FAM149A: variants seen among roughly 807,000 people sequenced by gnomAD.
The protein encoded by FAM149A is protein FAM149A.
A neutral mutation model predicts 78.2 loss-of-function variants in FAM149A; 71 were observed. The ratio of observed to expected loss-of-function variants is 0.91; its 90% confidence interval spans 0.75 to 1.11. The LOEUF (loss-of-function observed/expected upper bound fraction) is 1.11, where lower values mean the gene tolerates loss of function less well. FAM149A is among the 50% of genes least tolerant of loss of function. The probability of loss-of-function intolerance (pLI) is 0.00; values close to 1 mark genes in which losing one functional copy is unlikely to be tolerated. For synonymous variants in FAM149A, 446 were observed against 410.5 expected (o/e 1.09, Z -1.04); for missense variants, 1,036 against 971.0 (o/e 1.07, Z -0.89).
At chr4:186,161,869 A>C (rs892737083) in intron 8 of FAM149A, among the ~76,000 whole-genome samples, 6 of 152,190 alleles carry the variant, frequency 3.9e-5, no homozygotes, top group Non-Finnish European at 8.8e-5. Context: ...AGTCCCAGAA[A>C]TCCTGTTCTC....
chr4:186,132,071 C>G lies in FAM149A; in HGVS notation c.567-17102C>G, dbSNP rs990348866. 1.7e-5 allele frequency: 17 copies of G among 985,320 alleles called. No homozygotes were observed. The Middle Eastern group carries it at 1.5e-3, about 90-fold the overall frequency. The allele number at this position is 985,320 out of a possible 1,614,324, so 61.0% of individuals were successfully genotyped here. On this transcript the variant is annotated intron_variant, in intron 1 of 13. Coordinates refer to ENST00000389354, the MANE Select transcript of FAM149A (RefSeq NM_001367768.3). ...AACACAAAATAGCTCCATATTAAAG[C>G]TTAGCAACACAGATAACACGTCATT...
At chr4:186,126,118 A>G in intron 1 of FAM149A, 2 of 984,768 alleles carry the variant, frequency 2.0e-6, no homozygotes, top group Non-Finnish European at 2.4e-6. Context: ...ACAAAATGAA[A>G]TCCTTTCATT....
At position 186,125,964 on chromosome 4, in the gene FAM149A, G is replaced by A. The variant is rs1371175435; in HGVS notation, c.566+20322G>A. ...GTAACAGCCTGTTCTCCAGCTGCCC[G>A]GAGGCTGGATGACCTTCACAGGCCC... On this transcript the variant is annotated intron_variant, in intron 1 of 13. Transcript: ENST00000389354. 42 of 985,374 alleles carry A rather than the reference G, an allele frequency of 4.3e-5. No homozygotes were observed. The Admixed American group carries it at 9.8e-4, about 23-fold the overall frequency. 61.0% of individuals were successfully genotyped at this position (985,374 alleles called of 1,614,324 possible).
rs892269552 is a variant in FAM149A, at chr4:186,116,711, C to T, written c.566+11069C>T. On this transcript the variant is annotated intron_variant, in intron 1 of 13. Transcript: ENST00000389354. Reference sequence around the variant, plus strand: ...GTCCTGGGTTAAAGTGATTCTCCTGCCTCAGACTTCTGAGTAGCTGGGATA... The same window carrying T: ...GTCCTGGGTTAAAGTGATTCTCCTGTCTCAGACTTCTGAGTAGCTGGGATA... The T allele has an allele frequency of 6.2e-6, 6 of 964,812 alleles. No homozygotes were observed. The African/African-American group carries it at 1.1e-4, about 17-fold the overall frequency. 59.8% of individuals were successfully genotyped at this position (964,812 alleles called of 1,614,324 possible).
intron 1 of FAM149A, chr4:186,117,664 A>G (rs771359762): frequency 1.0e-6 from 1 of 984,702 alleles, no homozygotes; most frequent in Non-Finnish European, 1.2e-6. Flanking sequence ...AAAGCGTTAA[A>G]ACTAGGGAGA....
intron 1 of FAM149A, among the ~76,000 whole-genome samples, chr4:186,139,915 G>A (rs2099325085): frequency 6.6e-6 from 1 of 151,950 alleles, no homozygotes; most frequent in African/African-American, 2.4e-5. Context: ...GTAAAAAACT[G>A]TATGTAACTT....
chr4:186,134,053 T>A (rs11722584), intron 1 of FAM149A, among the ~76,000 whole-genome samples: 30,301 of 152,150 alleles, frequency 0.2, 3,273 homozygotes, highest in South Asian at 0.28. Context: ...TCACAAACGA[T>A]TTTTTTATAC....
In FAM149A at chr4:186,144,897, G is replaced by A. The variant is rs1275630998; in HGVS notation, c.567-4276G>A. 1.0e-6 allele frequency: 1 copy of A among 974,724 alleles called. No individual in the cohort carries two copies. The highest frequency in any genetic ancestry group is 1.2e-6 in the Non-Finnish European group (1 of 823,858). 60.4% of individuals were successfully genotyped at this position (974,724 alleles called of 1,614,324 possible). ...AGCCCCGCGGACCCCGGGCGCGCCCGGGCCGCCTGAGCTGGGCCAGCCGCG... is the reference window on the plus strand; with the variant it reads ...AGCCCCGCGGACCCCGGGCGCGCCCAGGCCGCCTGAGCTGGGCCAGCCGCG... On this transcript the variant is annotated intron_variant, in intron 1 of 13. Coordinates refer to ENST00000389354, the MANE Select transcript of FAM149A (RefSeq NM_001367768.3). The surrounding 1 kb of genome is among the most constrained non-coding windows in gnomAD (Gnocchi z 4.2).
Position 186,154,728 on chromosome 4 carries a change from T to C in FAM149A, c.1229+90T>C. On this transcript the variant is annotated intron_variant, in intron 6 of 13. Coordinates refer to ENST00000389354, the MANE Select transcript of FAM149A (RefSeq NM_001367768.3). ...TATCGTATGCTCATTAAGTGTTTTG[T>C]GTATTTTTTACTCACCCAAAAGATT... 2.1e-6 allele frequency: 3 copies of C among 1,452,252 alleles called. No individual in the cohort carries two copies. In the East Asian group the frequency reaches 7.5e-5, roughly 36 times the overall value. The allele number at this position is 1,452,252 out of a possible 1,614,324, so 90.0% of individuals were successfully genotyped here. A position where few individuals can be genotyped will look rare whatever the true frequency, so the allele number is the denominator to read the frequency against.
intron 8 of FAM149A, among the ~76,000 whole-genome samples, chr4:186,159,518 T>C (rs934426734): frequency 4.6e-5 from 7 of 152,028 alleles, no homozygotes; most frequent in Non-Finnish European, 8.8e-5. Flanking sequence ...GAACAGGGGA[T>C]TAGGAATCGA....
intron 1 of FAM149A, 138 bp from the exon 2 acceptor site, chr4:186,149,035 C>A: frequency 2.6e-6 from 1 of 378,668 alleles, no homozygotes; most frequent in Non-Finnish European, 4.6e-6. Context: ...TGTGTGTGCG[C>A]TCATGCACAG....
chr4:186,133,017 G>A (rs1579826502), intron 1 of FAM149A: 5 of 985,314 alleles, frequency 5.1e-6, no homozygotes, highest in Non-Finnish European at 1.2e-6. Context: ...CTATAGAGCT[G>A]GCCTGCACTC....
chr4:186,107,643 C>T (rs534775873), intron 1 of FAM149A: 11 of 152,482 alleles, frequency 7.2e-5, no homozygotes, highest in Admixed American at 5.9e-4. Flanking sequence ...CCAGGCTGGT[C>T]TTGAACTCCT....
chr4:186,127,477 C>T (rs1579810301), intron 1 of FAM149A: 1 of 985,418 alleles, frequency 1.0e-6, no homozygotes, highest in Non-Finnish European at 1.2e-6. Flanking sequence ...TCCAAAGTCT[C>T]ACAGCTGGAG....
intron 8 of FAM149A, chr4:186,160,952 A>G (rs1340781831): frequency 1.2e-6 from 1 of 867,042 alleles, no homozygotes; most frequent in Non-Finnish European, 1.4e-6. Context: ...TTTATGAGGT[A>G]GGAAGCTGTG....
intron 1 of FAM149A, chr4:186,146,879 C>G (rs1324378707): frequency 1.0e-6 from 1 of 985,304 alleles, no homozygotes; most frequent in African/African-American, 1.7e-5. Context: ...ATTTGAGTTG[C>G]TAATTTCGTC....
chr4:186,158,751 T>A, intron 8 of FAM149A: 1 of 1,069,984 alleles, frequency 9.3e-7, no homozygotes, highest in Non-Finnish European at 1.1e-6. Flanking sequence ...CCGTCCCTAC[T>A]GCAGACTGGA....
chr4:186,160,495 C>T (rs1190679682), intron 8 of FAM149A, among the ~76,000 whole-genome samples: 1 of 146,864 alleles, frequency 6.8e-6, no homozygotes, highest in Admixed American at 6.8e-5. Flanking sequence ...ACACACTATA[C>T]AAACACATAC....
chr4:186,149,348 G>A, intron 2 of FAM149A, 65 bp downstream of exon 2: 1 of 1,248,466 alleles, frequency 8.0e-7, no homozygotes, highest in South Asian at 1.4e-5. Flanking sequence ...TGGGAAGGAA[G>A]TTAGTGACTG....
Sources: gnomAD v4.1 joint callset for allele counts (sites outside exome capture counted in the v4.1 genomes callset) on GRCh38, gnomAD v4.1.1 for gene constraint, Gnocchi (gnomAD v3.1) non-coding constraint, MANE v1.5 for transcripts, NCBI Gene and HGNC (gene_info 2026-07-23, HGNC 2026-07-21) for gene names.